Variants in MTUS2 observed in about 807,000 individuals in gnomAD.
MTUS2 encodes the protein microtubule associated scaffold protein 2.
A neutral mutation model predicts 114.1 loss-of-function variants in MTUS2; 40 were observed. The ratio of observed to expected loss-of-function variants is 0.35; its 90% CI spans 0.27 to 0.46. MTUS2 has a LOEUF of 0.46. Ranked by LOEUF, MTUS2 falls within the 20% of genes least tolerant of loss-of-function variation. MTUS2 has a pLI of 1.00. For missense variants in MTUS2, 1,679 were observed against 1,705.4 expected (o/e 0.98, Z 0.27); for synonymous variants, 688 against 672.0 (o/e 1.02, Z -0.37).
chr13:29,297,057 T>G (rs926555618), intron 6 of MTUS2, among the ~76,000 whole-genome samples: 7 of 152,180 alleles, frequency 4.6e-5, no homozygotes, highest in African/African-American at 1.7e-4. Context: ...CTATTTTTTC[T>G]TCTAGTATTT....
At chr13:29,357,440 C>T (rs1305002936) in intron 7 of MTUS2, among the ~76,000 whole-genome samples, 1 of 152,070 alleles carries the variant, frequency 6.6e-6, no homozygotes, top group Non-Finnish European at 1.5e-5. Context: ...CCTGGTACCT[C>T]AACAAATTAA....
intron 9 of MTUS2, among the ~76,000 whole-genome samples, chr13:29,453,109 A>G (rs79825901): frequency 0.011 from 1,635 of 152,352 alleles, 16 homozygotes; most frequent in African/African-American, 0.037. Flanking sequence ...TCTTCCCACC[A>G]TAACCATATC....
chr13:28,854,202 T>C lies in MTUS2; in HGVS notation c.-243+14352T>C, dbSNP rs564049303. On this transcript the variant is annotated intron_variant, in intron 2 of 15. Coordinates refer to ENST00000612955, the MANE Select transcript of MTUS2 (RefSeq NM_001033602.4). ...CATCTCAACAAGAATCCCAGGTCAT[T>C]TGTATGCACATTACAGTCTGGGAAA... Among the ~76,000 whole-genome samples the C allele has an allele frequency of 1.5e-3, 223 of 152,338 alleles. 1 individual carries two copies. The highest frequency in any genetic ancestry group is 5.1e-3 in the African/African-American group (214 of 41,584).
At chr13:29,260,971 G>A (rs1897451404) in intron 5 of MTUS2, among the ~76,000 whole-genome samples, 1 of 152,142 alleles carries the variant, frequency 6.6e-6, no homozygotes, top group Admixed American at 6.5e-5. Flanking sequence ...TCCAAGATGT[G>A]GGTAGTGCTG....
At chr13:29,076,668 C>T (rs559055659) in intron 4 of MTUS2, among the ~76,000 whole-genome samples, 13 of 152,158 alleles carry the variant, frequency 8.5e-5, no homozygotes, top group East Asian at 1.9e-4. Flanking sequence ...TGGCTTCCCC[C>T]TCGATGAGCA....
At chr13:29,058,582 A>T (rs80145354) in intron 4 of MTUS2, among the ~76,000 whole-genome samples, 31 of 53,636 alleles carry the variant, frequency 5.8e-4, no homozygotes, top group African/African-American at 8.5e-4. Context: ...TTTTTTTTTT[A>T]ATTATTATTT....
chr13:29,180,102 A>G (rs1893934262), intron 5 of MTUS2, among the ~76,000 whole-genome samples: 1 of 152,210 alleles, frequency 6.6e-6, no homozygotes, highest in African/African-American at 2.4e-5. Flanking sequence ...ATTTTTAATG[A>G]CTTTGAATAT....
At chr13:29,018,967 G>T (rs1886180835) in intron 2 of MTUS2, among the ~76,000 whole-genome samples, 1 of 152,154 alleles carries the variant, frequency 6.6e-6, no homozygotes, top group South Asian at 2.1e-4. Context: ...CTGAGCCTTA[G>T]GTTTTTTAAA....
chr13:29,079,369 T>A (rs974114150), intron 4 of MTUS2, among the ~76,000 whole-genome samples: 1 of 152,218 alleles, frequency 6.6e-6, no homozygotes, highest in Non-Finnish European at 1.5e-5. Context: ...AGGGTTTTTT[T>A]CTCTTTTTTG....
At chr13:28,893,923 A>G (rs1179217530) in intron 2 of MTUS2, among the ~76,000 whole-genome samples, 1 of 152,132 alleles carries the variant, frequency 6.6e-6, no homozygotes, top group Non-Finnish European at 1.5e-5. Flanking sequence ...TGGTTTTGCT[A>G]AAGATTTGAG....
intron 5 of MTUS2, among the ~76,000 whole-genome samples, chr13:29,183,282 A>C (rs1215159814): frequency 6.6e-6 from 1 of 151,842 alleles, no homozygotes; most frequent in African/African-American, 2.4e-5. Flanking sequence ...GAGTCAAGGA[A>C]GTCAACGATG....
At chr13:29,171,606 A>C (rs1893566255) in intron 5 of MTUS2, among the ~76,000 whole-genome samples, 1 of 152,216 alleles carries the variant, frequency 6.6e-6, no homozygotes, top group African/African-American at 2.4e-5. Context: ...AGTTAGGGTC[A>C]GGTTTGTCTG....
chr13:29,374,221 A>G (rs1871409345), intron 8 of MTUS2, among the ~76,000 whole-genome samples: 1 of 152,230 alleles, frequency 6.6e-6, no homozygotes, highest in Non-Finnish European at 1.5e-5. Context: ...AAAAAGGTCT[A>G]ATATTTTTGT....
chr13:28,827,268 GT>G (rs1448584656), intron 1 of MTUS2, among the ~76,000 whole-genome samples: 4 of 152,122 alleles, frequency 2.6e-5, no homozygotes, highest in Non-Finnish European at 5.9e-5. Flanking sequence ...CAAACATTAG[GT>G]TTAGTTTTCT....
intron 4 of MTUS2, among the ~76,000 whole-genome samples, chr13:29,090,607 C>T (rs1255932316): frequency 1.3e-5 from 2 of 152,170 alleles, no homozygotes; most frequent in African/African-American, 2.4e-5. Context: ...CAGTGGCTGC[C>T]AGCAAGCATT....
intron 2 of MTUS2, among the ~76,000 whole-genome samples, chr13:28,961,860 T>A (rs1373253674): frequency 6.6e-6 from 1 of 152,074 alleles, no homozygotes; most frequent in African/African-American, 2.4e-5. Context: ...TAAAATGATT[T>A]ATGTTTGGTT....
intron 5 of MTUS2, among the ~76,000 whole-genome samples, chr13:29,113,418 A>G (rs1244280733): frequency 6.6e-6 from 1 of 152,138 alleles, no homozygotes; most frequent in East Asian, 1.9e-4. Flanking sequence ...GCATTTTCTT[A>G]TTGCTGGTTT....
At chr13:29,498,277 A>C in intron 13 of MTUS2, 141 bp from the exon 14 acceptor site, 1 of 1,207,406 alleles carries the variant, frequency 8.3e-7, no homozygotes, top group African/African-American at 1.5e-5. Flanking sequence ...GAAGGCTGTG[A>C]GCATCCTCTC....
intron 8 of MTUS2, among the ~76,000 whole-genome samples, chr13:29,435,205 T>A (rs532954234): frequency 6.6e-6 from 1 of 152,192 alleles, no homozygotes; most frequent in Non-Finnish European, 1.5e-5. Context: ...AAGCCTGTCA[T>A]AGAATAAACA....
Sources: gnomAD v4.1 joint callset for allele counts (sites outside exome capture counted in the v4.1 genomes callset) on GRCh38, gnomAD v4.1.1 for gene constraint, MANE v1.5 for transcripts, NCBI Gene and HGNC (gene_info 2026-07-23, HGNC 2026-07-21) for gene names.